Variants in MEIS3 observed in about 807,000 individuals in gnomAD.
The protein encoded by MEIS3 is Meis homeobox 3.
Under a neutral mutation model 51.4 loss-of-function variants are expected in MEIS3, and 38 were observed. That is an observed-to-expected ratio of 0.74 (90% CI 0.57 to 0.97). MEIS3 has a LOEUF of 0.97. Ranked by LOEUF, MEIS3 falls within the 50% of genes least tolerant of loss-of-function variation. The pLI is 0.00. For synonymous variants in MEIS3, 198 were observed against 201.8 expected, an observed-to-expected ratio of 0.98 and a Z score of 0.16; for missense variants, 456 against 502.6, an observed-to-expected ratio of 0.91 and a Z score of 0.89.
chr19:47,416,755 C>A (rs760932553), intron 3 of MEIS3, 49 bp downstream of exon 3: 1 of 1,612,786 alleles, frequency 6.2e-7, no homozygotes, highest in South Asian at 1.1e-5. Context: ...CCACCCACCC[C>A]TCCTCGCTGG....
chr19:47,406,826 T>C, intron 11 of MEIS3, 62 bp downstream of exon 11: 1 of 1,433,634 alleles, frequency 7.0e-7, no homozygotes. Context: ...GGTGGGCATC[T>C]TTGTTTTACA....
chr19:47,415,212 G>C, intron 4 of MEIS3, 111 bp from the exon 5 acceptor site: 1 of 732,292 alleles, frequency 1.4e-6, no homozygotes, highest in Admixed American at 2.1e-5. Flanking sequence ...GAAACAGAAA[G>C]AGTGAGACAA....
intron 6 of MEIS3, among the ~76,000 whole-genome samples, chr19:47,413,348 G>T (rs562305688): frequency 4.0e-5 from 6 of 151,306 alleles, no homozygotes; most frequent in African/African-American, 1.2e-4. Flanking sequence ...AGCCGAGATC[G>T]TGCCACTGCA....
chr19:47,405,466 T>C (rs1341178195), intron 12 of MEIS3, among the ~76,000 whole-genome samples: 2 of 152,162 alleles, frequency 1.3e-5, no homozygotes, highest in Non-Finnish European at 2.9e-5. Context: ...ACTGTTACAC[T>C]GGATTGTCAC....
rs1373731623 is a variant in MEIS3 at position 47,417,631 on chromosome 19, A to C, written c.13-281T>G. Reference sequence around the variant, plus strand: ...GCAGGGTCTGGCTGGGAGGGAAAAGAGATGGAGAAAGTGGCGTGAGAAGAC... The same window carrying C: ...GCAGGGTCTGGCTGGGAGGGAAAAGCGATGGAGAAAGTGGCGTGAGAAGAC... On this transcript the variant is annotated intron_variant, in intron 1 of 12. Coordinates refer to ENST00000558555, the MANE Select transcript of MEIS3 (RefSeq NM_001301059.2). The C allele has an allele frequency of 4.3e-6, 3 of 702,938 alleles. No homozygotes were observed. The South Asian group carries it at 4.4e-5, about 10-fold the overall frequency. The allele number at this position is 702,938 out of a possible 1,614,324, so 43.5% of individuals were successfully genotyped here. A position where few individuals can be genotyped will look rare whatever the true frequency, so the allele number is the denominator to read the frequency against.
At chr19:47,420,337 G>A (rs1367583694), upstream of MEIS3, among the ~76,000 whole-genome samples, 1 of 152,132 alleles carries the variant, frequency 6.6e-6, no homozygotes, top group Non-Finnish European at 1.5e-5. Context: ...TTTTTGGGGG[G>A]TGGTGCATGC....
intron 6 of MEIS3, among the ~76,000 whole-genome samples, chr19:47,412,718 C>T (rs1020326656): frequency 1.3e-4 from 20 of 152,148 alleles, no homozygotes; most frequent in African/African-American, 3.6e-4. Context: ...CGTGCCACCA[C>T]GCCTGTCTAA....
chr19:47,406,323 C>A, intron 12 of MEIS3, 137 bp downstream of exon 12: 1 of 608,768 alleles, frequency 1.6e-6, no homozygotes, highest in South Asian at 2.4e-5. Context: ...GGATGAATAT[C>A]TTCCCATCAA....
chr19:47,408,611 G>A (rs1168565758), intron 8 of MEIS3, among the ~76,000 whole-genome samples: 2 of 152,002 alleles, frequency 1.3e-5, no homozygotes, highest in African/African-American at 2.4e-5. Flanking sequence ...GGTCCTCCCC[G>A]AATCTCTGTG....
Position 47,403,546 on chromosome 19 carries a change from G to T in MEIS3, c.*25C>A. The stretch of plus-strand genomic sequence containing the variant: ...TGTGAGGCTGGGGGTCACAGCCGGA[G>T]GCTGGGTCTGTGGAGAGGGGAGGAG... On this transcript the variant is annotated 3_prime_UTR_variant, in exon 13 of 13. Coordinates refer to ENST00000558555, the MANE Select transcript of MEIS3 (RefSeq NM_001301059.2). 2.2e-6 allele frequency: 1 copy of T among 449,166 alleles called. No individual in the cohort carries two copies. The highest frequency in any genetic ancestry group is 4.5e-6 in the Non-Finnish European group (1 of 223,322). The allele number at this position is 449,166 out of a possible 1,614,324, so 27.8% of individuals were successfully genotyped here.
At chr19:47,409,931 A>G (rs1400892179) in intron 6 of MEIS3, among the ~76,000 whole-genome samples, 1 of 151,844 alleles carries the variant, frequency 6.6e-6, no homozygotes, top group African/African-American at 2.4e-5. Context: ...CTGGATGGGA[A>G]GCCAGTCCCT....
intron 1 of MEIS3, chr19:47,417,670 G>A: frequency 1.4e-6 from 1 of 702,386 alleles, no homozygotes; most frequent in South Asian, 1.5e-5. Context: ...GACAGAGACA[G>A]AGAGAGAGAC....
In MEIS3 at chr19:47,419,208, G is replaced by A; in HGVS notation, c.-127C>T. On this transcript the variant is annotated 5_prime_UTR_variant, in exon 1 of 13. Coordinates refer to ENST00000558555, the MANE Select transcript of MEIS3 (RefSeq NM_001301059.2). ...AGGGGGTGGGCAGGAGGCCAGGCGCGCGCCCCCCCACCCCCGCCGCCGTCA... is the reference window on the plus strand; with the variant it reads ...AGGGGGTGGGCAGGAGGCCAGGCGCACGCCCCCCCACCCCCGCCGCCGTCA... 1 of 601,222 alleles carries A rather than the reference G, an allele frequency of 1.7e-6. No homozygotes were observed. The allele number at this position is 601,222 out of a possible 1,614,324, so 37.2% of individuals were successfully genotyped here.
At position 47,409,178 on chromosome 19, in the gene MEIS3, C is replaced by T. The variant is rs374178373; in HGVS notation, c.779G>A (p.Arg260Gln). ...GATCCCCCTCTTCTTGTTTCGCCGT[C>T]GCTCCTGGTCCAAGTCCTCATCTTC... ...GGEDEDLDQE[R>Q]RRNKKRGIFP... The change falls in exon 8 of 13, where the codon CGA becomes CAA. Residue 260 changes from arginine to glutamine, a missense_variant. Physicochemically the swap from Arg to Gln is conservative, Grantham distance 43. Coordinates refer to ENST00000558555, the MANE Select transcript of MEIS3 (RefSeq NM_001301059.2). The T allele has an allele frequency of 1.7e-5, 27 of 1,612,820 alleles. No individual in the cohort carries two copies. Among genetic ancestry groups the T allele is most frequent in the Admixed American group, 8.3e-5 (5 of 60,002 alleles).
Position 47,403,153 on chromosome 19 carries a change from AAAAG to A in MEIS3, c.*414_*417del. 4.3e-6 allele frequency: 1 copy of A among 231,018 alleles called. No homozygotes were observed. The highest frequency in any genetic ancestry group is 8.8e-6 in the Non-Finnish European group (1 of 113,682). The allele number at this position is 231,018 out of a possible 1,614,324, so 14.3% of individuals were successfully genotyped here. ...TGTTTTTAAGACTTTATCATTAAAAAAAAGAAGAAATTAGAGAAGGGAGGTAGGG... is the reference window on the plus strand; with the variant it reads ...TGTTTTTAAGACTTTATCATTAAAAAAAGAAATTAGAGAAGGGAGGTAGGG... On this transcript the variant is annotated 3_prime_UTR_variant, in exon 13 of 13. Transcript: ENST00000558555.
At chr19:47,417,720 C>T (rs1050588752) in intron 1 of MEIS3, 4 of 697,486 alleles carry the variant, frequency 5.7e-6, no homozygotes, top group African/African-American at 5.3e-5. Flanking sequence ...CTGTAGGAAC[C>T]GCGCATTGTT....
intron 1 of MEIS3, chr19:47,418,102 T>C (rs1487569523): frequency 2.1e-5 from 4 of 188,226 alleles, no homozygotes; most frequent in Admixed American, 5.5e-5. Flanking sequence ...ACAGACACGA[T>C]TGCGCACCCA....
At chr19:47,420,902 T>TCACACACA (rs1306093436), upstream of MEIS3, among the ~76,000 whole-genome samples, 1 of 88,288 alleles carries the variant, frequency 1.1e-5, no homozygotes, top group African/African-American at 4.0e-5. Flanking sequence ...GCTCTCTCTC[T>TCACACACA]CTCTCTCTCA....
upstream of MEIS3, among the ~76,000 whole-genome samples, chr19:47,422,061 G>GCGCCCGCCCCTC (rs1971727133): frequency 6.7e-6 from 1 of 149,514 alleles, no homozygotes; most frequent in East Asian, 2.0e-4. Flanking sequence ...GCCCACCCCT[G>GCGCCCGCCCCTC]CGCCCGCCCC....
Sources: allele counts gnomAD v4.1 joint callset (sites outside exome capture counted in the v4.1 genomes callset), GRCh38; gene constraint gnomAD v4.1.1; transcripts MANE v1.5; gene names NCBI Gene and HGNC (gene_info 2026-07-23, HGNC 2026-07-21).